TRDN: variants seen among roughly 807,000 people sequenced by gnomAD.
TRDN encodes triadin, also known as triadin in skeletal muscle.
In TRDN, 161 loss-of-function variants were observed where a neutral mutation model predicts 149.7. That is an observed-to-expected ratio of 1.08 (90% CI 0.95 to 1.23). The LOEUF (loss-of-function observed/expected upper bound fraction) is 1.23. TRDN is among the 50% of genes most tolerant of loss of function. TRDN has a pLI of 0.00. For missense variants in TRDN, 896 were observed against 823.5 expected (o/e 1.09, Z -1.08); for synonymous variants, 294 against 250.5 (o/e 1.17, Z -1.64).
intron 33 of TRDN, among the ~76,000 whole-genome samples, chr6:123,262,631 T>C (rs1776812270): frequency 6.6e-6 from 1 of 152,106 alleles, no homozygotes; most frequent in Admixed American, 6.6e-5. Flanking sequence ...TTTTTACAAG[T>C]TGACAGTTTG....
chr6:123,472,224 G>GCAC (rs1322572872), intron 9 of TRDN, among the ~76,000 whole-genome samples: 1 of 152,176 alleles, frequency 6.6e-6, no homozygotes, highest in South Asian at 2.1e-4. Context: ...GTGGGTGCGC[G>GCAC]CACCGTGCGC....
intron 2 of TRDN, among the ~76,000 whole-genome samples, chr6:123,562,271 G>A (rs1034908984): frequency 3.3e-5 from 5 of 152,126 alleles, no homozygotes; most frequent in Admixed American, 2.0e-4. Flanking sequence ...GACTCAGCCC[G>A]CCTGCACCCA....
chr6:123,223,979 C>T (rs1216384392), intron 39 of TRDN, 114 bp downstream of exon 39: 2 of 872,800 alleles, frequency 2.3e-6, no homozygotes, highest in East Asian at 2.6e-5. Flanking sequence ...TAAATGTTGC[C>T]TAGAAAAGCT....
intron 5 of TRDN, among the ~76,000 whole-genome samples, chr6:123,530,142 G>A (rs1455137084): frequency 1.3e-5 from 2 of 151,568 alleles, no homozygotes; most frequent in Non-Finnish European, 2.9e-5. Flanking sequence ...CATGACAGAA[G>A]GAATTCAGGT....
At chr6:123,577,443 G>A (rs1484592302) in intron 1 of TRDN, among the ~76,000 whole-genome samples, 2 of 151,956 alleles carry the variant, frequency 1.3e-5, no homozygotes, top group Admixed American at 1.3e-4. Flanking sequence ...ATAATAGCCT[G>A]CAGCTCCATC....
chr6:123,221,184 G>T (rs1270906607), intron 40 of TRDN, among the ~76,000 whole-genome samples: 1 of 151,762 alleles, frequency 6.6e-6, no homozygotes, highest in Non-Finnish European at 1.5e-5. Flanking sequence ...AAAGCAGGCA[G>T]TAAGACACAT....
intron 33 of TRDN, 79 bp downstream of exon 33, chr6:123,265,239 T>G: frequency 9.1e-7 from 1 of 1,097,608 alleles, no homozygotes. Context: ...ACTATTTAAC[T>G]TCAGTTATAA....
rs1399988297 is a variant in TRDN, at chr6:123,489,054, T to C, written c.853+8139A>G. The stretch of plus-strand genomic sequence containing the variant: ...CTTAACATTTTGTGATTCTGTGCTT[T>C]AATATTATCACCTTAGCCTTGTATA... On this transcript the variant is annotated intron_variant, in intron 9 of 40. Coordinates refer to ENST00000334268, the MANE Select transcript of TRDN (RefSeq NM_006073.4). The C allele has an allele frequency of 2.6e-5, 4 of 152,186 alleles. No homozygotes were observed. The East Asian group carries it at 7.7e-4, about 29-fold the overall frequency. 9.4% of individuals were successfully genotyped at this position (152,186 alleles called of 1,614,324 possible).
At chr6:123,382,677 G>T (rs1442358117) in intron 14 of TRDN, among the ~76,000 whole-genome samples, 1 of 151,928 alleles carries the variant, frequency 6.6e-6, no homozygotes, top group Admixed American at 6.6e-5. Flanking sequence ...GATTACTGTT[G>T]ACTCATGGGT....
chr6:123,467,666 GGTCATACTTGAACATGACACAC>G (rs1410959544), intron 9 of TRDN, among the ~76,000 whole-genome samples: 1 of 152,010 alleles, frequency 6.6e-6, no homozygotes, highest in East Asian at 1.9e-4. Context: ...AAATCAGATG[GGTCATACTTGAACATGACACAC>G]GACTTTGGTC....
intron 24 of TRDN, among the ~76,000 whole-genome samples, chr6:123,309,514 C>A (rs1268980322): frequency 6.6e-6 from 1 of 151,898 alleles, no homozygotes; most frequent in African/African-American, 2.4e-5. Flanking sequence ...TAAAGTTACA[C>A]CCCTGAACAA....
At chr6:123,495,519 CA>C (rs975588238) in intron 9 of TRDN, among the ~76,000 whole-genome samples, 15 of 44,708 alleles carry the variant, frequency 3.4e-4, no homozygotes, top group Non-Finnish European at 6.8e-4. Context: ...GGCTCTGTCT[CA>C]AAAAAAATAA....
intron 12 of TRDN, among the ~76,000 whole-genome samples, chr6:123,415,527 A>G (rs1317786306): frequency 6.6e-6 from 1 of 152,230 alleles, no homozygotes; most frequent in Non-Finnish European, 1.5e-5. Context: ...CACCCATGTA[A>G]TGTTAAAACA....
At chr6:123,373,645 TTTAC>T (rs1157677974) in intron 19 of TRDN, among the ~76,000 whole-genome samples, 1 of 152,148 alleles carries the variant, frequency 6.6e-6, no homozygotes, top group Admixed American at 6.6e-5. Context: ...CAAATCCCCT[TTTAC>T]TTTTTTCTTG....
intron 1 of TRDN, among the ~76,000 whole-genome samples, chr6:123,611,342 A>G (rs960527029): frequency 1.3e-5 from 2 of 152,206 alleles, no homozygotes; most frequent in African/African-American, 4.8e-5. Context: ...GGCAAAAAAG[A>G]ACAATGTAAC....
chr6:123,358,039 C>T (rs1410099299), intron 20 of TRDN, among the ~76,000 whole-genome samples: 1 of 152,122 alleles, frequency 6.6e-6, no homozygotes, highest in Non-Finnish European at 1.5e-5. Context: ...AAATAAACAG[C>T]TCATCTAAGT....
At chr6:123,395,255 C>T (rs777646987) in intron 12 of TRDN, among the ~76,000 whole-genome samples, 1 of 152,096 alleles carries the variant, frequency 6.6e-6, no homozygotes, top group Non-Finnish European at 1.5e-5. Context: ...CCTAAACAAC[C>T]TCATCACACC....
chr6:123,409,634 G>A (rs1046547415), intron 12 of TRDN, among the ~76,000 whole-genome samples: 14 of 151,974 alleles, frequency 9.2e-5, no homozygotes, highest in African/African-American at 2.4e-4. Flanking sequence ...ACACAAGCAT[G>A]ACATTCACTT....
intron 16 of TRDN, among the ~76,000 whole-genome samples, chr6:123,379,952 C>T (rs1203922337): frequency 6.6e-6 from 1 of 151,872 alleles, no homozygotes; most frequent in Non-Finnish European, 1.5e-5. Flanking sequence ...AAAGTAGAAG[C>T]AAAATAAAAT....
Sources: allele counts gnomAD v4.1 joint callset (sites outside exome capture counted in the v4.1 genomes callset), GRCh38; gene constraint gnomAD v4.1.1; transcripts MANE v1.5; gene names NCBI Gene and HGNC (gene_info 2026-07-23, HGNC 2026-07-21).